CSMD1: variants seen among roughly 807,000 people sequenced by gnomAD.
The protein encoded by CSMD1 is CUB and sushi domain-containing protein 1.
A neutral mutation model predicts 417.5 loss-of-function variants in CSMD1; 213 were observed. The observed-to-expected ratio is 0.51, with a 90% CI of 0.46 to 0.57. The LOEUF is 0.57. CSMD1 is among the 20% of genes least tolerant of loss of function. The probability of loss-of-function intolerance (pLI) is 0.00; values close to 1 mark genes in which losing one functional copy is unlikely to be tolerated. For synonymous variants in CSMD1, 2,862 were observed against 1,736.8 expected, an observed-to-expected ratio of 1.65 and a Z score of -16.11; for missense variants, 6,923 against 4,529.7, an observed-to-expected ratio of 1.53 and a Z score of -15.17.
intron 2 of CSMD1, among the ~76,000 whole-genome samples, chr8:4,549,459 A>G (rs185686852): frequency 5.8e-3 from 889 of 152,268 alleles, no homozygotes; most frequent in Non-Finnish European, 9.7e-3. Context: ...TGACTCTGTT[A>G]AATAGGTTTC....
chr8:4,301,623 C>A (rs1797986301), intron 3 of CSMD1, among the ~76,000 whole-genome samples: 1 of 152,218 alleles, frequency 6.6e-6, no homozygotes, highest in Non-Finnish European at 1.5e-5. Flanking sequence ...GTCATCATGT[C>A]TGTGGCACTG....
At chr8:3,935,574 T>C (rs1253616408) in intron 5 of CSMD1, among the ~76,000 whole-genome samples, 3 of 152,196 alleles carry the variant, frequency 2.0e-5, no homozygotes, top group African/African-American at 7.2e-5. Context: ...GTACTTGCTA[T>C]GGTGATCTGT....
At chr8:3,481,280 A>G (rs754708315) in intron 11 of CSMD1, among the ~76,000 whole-genome samples, 3 of 152,128 alleles carry the variant, frequency 2.0e-5, no homozygotes, top group Non-Finnish European at 4.4e-5. Flanking sequence ...CTGTGTTTTC[A>G]AAAGAGAAAA....
At chr8:4,269,363 G>T (rs1438421891) in intron 3 of CSMD1, among the ~76,000 whole-genome samples, 1 of 152,126 alleles carries the variant, frequency 6.6e-6, no homozygotes, top group Non-Finnish European at 1.5e-5. Context: ...ACTGTGCCTG[G>T]CTCCATTTTC....
At chr8:3,914,932 C>T (rs1480779794) in intron 5 of CSMD1, among the ~76,000 whole-genome samples, 2 of 152,184 alleles carry the variant, frequency 1.3e-5, no homozygotes, top group East Asian at 3.9e-4. Flanking sequence ...GAACTAAACA[C>T]AACAACAACG....
chr8:3,796,321 A>C (rs1386168908), intron 5 of CSMD1, among the ~76,000 whole-genome samples: 1 of 127,080 alleles, frequency 7.9e-6, no homozygotes, highest in East Asian at 2.3e-4. Context: ...ATAGATATCT[A>C]TCATGTATAG....
At position 4,623,282 on chromosome 8, in the gene CSMD1, G is replaced by A. The variant is rs554377312; in HGVS notation, c.302+14060C>T. Among the ~76,000 whole-genome samples the A allele has an allele frequency of 1.9e-4, 29 of 152,120 alleles. 1 individual carries two copies. Among genetic ancestry groups the A allele is most frequent in the Non-Finnish European group, 2.4e-4 (16 of 67,982 alleles). On this transcript the variant is annotated intron_variant, in intron 2 of 69. Transcript: ENST00000635120. ...CAGGGAAATGCAAATTCACATCACC[G>A]TAAAATAACACTCTACACTCATTAC...
At position 3,660,541 on chromosome 8, in the gene CSMD1, A is replaced by T. The variant is rs13251048; in HGVS notation, c.1010-43744T>A. Among the ~76,000 whole-genome samples, 15 of 68,480 alleles carry T rather than the reference A, an allele frequency of 2.2e-4. 3 individuals are homozygous for T. Among genetic ancestry groups the T allele is most frequent in the South Asian group, 1.2e-3 (2 of 1,646 alleles). The allele number at this position is 68,480 out of a possible 152,430, so 44.9% of individuals were successfully genotyped here. A position where few individuals can be genotyped will look rare whatever the true frequency, so the allele number is the denominator to read the frequency against. On this transcript the variant is annotated intron_variant, in intron 7 of 69. Transcript: ENST00000635120. ...TTTTTTTTTTTTTTTTTTTTTTTGA[A>T]AAAAAACAAGGCCCTGCAGTCCAGG...
At chr8:3,410,272 C>G (rs58454178) in intron 12 of CSMD1, among the ~76,000 whole-genome samples, 6 of 152,072 alleles carry the variant, frequency 3.9e-5, no homozygotes. Flanking sequence ...ATTTAAAAGA[C>G]TATTTTTGAG....
At chr8:4,889,606 C>T (rs1192126226) in intron 1 of CSMD1, among the ~76,000 whole-genome samples, 2 of 151,700 alleles carry the variant, frequency 1.3e-5, no homozygotes, top group Non-Finnish European at 2.9e-5. Flanking sequence ...GAAAAAAAAC[C>T]ATAATGACTG....
At chr8:4,088,926 C>A (rs151335736) in intron 3 of CSMD1, among the ~76,000 whole-genome samples, 79 of 152,306 alleles carry the variant, frequency 5.2e-4, no homozygotes, top group African/African-American at 1.8e-3. Context: ...AAAAAGCACT[C>A]CCCTGCCAAG....
intron 1 of CSMD1, among the ~76,000 whole-genome samples, chr8:4,714,400 C>A (rs1376457215): frequency 6.6e-6 from 1 of 152,128 alleles, no homozygotes; most frequent in Non-Finnish European, 1.5e-5. Context: ...TGTGCATCAA[C>A]TGAAAGACAA....
At chr8:4,003,348 G>C (rs1028107679) in intron 4 of CSMD1, among the ~76,000 whole-genome samples, 2 of 151,974 alleles carry the variant, frequency 1.3e-5, no homozygotes, top group Non-Finnish European at 2.9e-5. Flanking sequence ...AGCAGAGATT[G>C]CCCTACTGCA....
intron 2 of CSMD1, among the ~76,000 whole-genome samples, chr8:4,505,301 C>G (rs17415676): frequency 6.6e-6 from 1 of 151,936 alleles, no homozygotes; most frequent in African/African-American, 2.4e-5. Flanking sequence ...AAATCACCAA[C>G]GAGGTAAAAG....
intron 8 of CSMD1, among the ~76,000 whole-genome samples, chr8:3,604,224 A>G (rs1801496504): frequency 6.6e-6 from 1 of 152,148 alleles, no homozygotes; most frequent in African/African-American, 2.4e-5. Flanking sequence ...GTGAAATCAA[A>G]TTGGAAGCAT....
At chr8:4,073,440 G>C (rs1033842588) in intron 3 of CSMD1, among the ~76,000 whole-genome samples, 1 of 152,090 alleles carries the variant, frequency 6.6e-6, no homozygotes, top group Non-Finnish European at 1.5e-5. Flanking sequence ...TTGTTATTCT[G>C]TGCGACTGTC....
intron 48 of CSMD1, among the ~76,000 whole-genome samples, chr8:3,088,277 G>A (rs901942765): frequency 6.6e-6 from 1 of 152,190 alleles, no homozygotes; most frequent in African/African-American, 2.4e-5. Flanking sequence ...GGTCACTACT[G>A]CATAAGGCGA....
intron 37 of CSMD1, among the ~76,000 whole-genome samples, chr8:3,179,161 T>TTG (rs1821142265): frequency 7.0e-6 from 1 of 142,870 alleles, no homozygotes; most frequent in Non-Finnish European, 1.6e-5. Context: ...TAGCCAGGAC[T>TTG]GTCTCGATCT....
intron 1 of CSMD1, among the ~76,000 whole-genome samples, chr8:4,642,035 C>T (rs1404610124): frequency 6.6e-6 from 1 of 152,184 alleles, no homozygotes; most frequent in Non-Finnish European, 1.5e-5. Flanking sequence ...GCCAGTCCTG[C>T]AGGAACCAGT....
Sources: allele counts gnomAD v4.1 joint callset (sites outside exome capture counted in the v4.1 genomes callset), GRCh38; gene constraint gnomAD v4.1.1; transcripts MANE v1.5; gene names NCBI Gene and HGNC (gene_info 2026-07-23, HGNC 2026-07-21).